The following WDPCP variants were observed in gnomAD, a reference collection of about 807,000 sequenced individuals.
The protein encoded by WDPCP is WD repeat-containing and planar cell polarity effector protein fritz homolog.
In WDPCP, 71 loss-of-function variants were observed where a neutral mutation model predicts 93.1. The ratio of observed to expected loss-of-function variants is 0.76; its 90% CI spans 0.63 to 0.93. WDPCP has a LOEUF of 0.93. Among genes scored for constraint, WDPCP ranks in the 40% least tolerant of loss-of-function variants. The pLI, the probability that WDPCP is intolerant of heterozygous loss-of-function variation, is 0.00. For missense variants in WDPCP, 844 were observed against 887.4 expected (o/e 0.95, Z 0.62); for synonymous variants, 315 against 315.0 (o/e 1.00, Z 0.00).
At chr2:63,752,516 G>A (rs1458957765) in intron 2 of WDPCP, 3 of 748,972 alleles carry the variant, frequency 4.0e-6, no homozygotes, top group East Asian at 5.0e-5. Flanking sequence ...CACACAGCTT[G>A]TGAGCATTCC....
At chr2:63,601,205 G>C (rs1364945657) in intron 3 of WDPCP, among the ~76,000 whole-genome samples, 1 of 152,230 alleles carries the variant, frequency 6.6e-6, no homozygotes, top group Non-Finnish European at 1.5e-5. Flanking sequence ...GGGAGTCATT[G>C]AAGAAGCACT....
intron 13 of WDPCP, 101 bp from the exon 14 acceptor site, chr2:63,259,510 A>C: frequency 1.1e-6 from 1 of 947,974 alleles, no homozygotes; most frequent in East Asian, 2.5e-5. Context: ...TACAAAATAG[A>C]AACAGTTTGT....
chr2:63,323,153 C>T (rs966813468), intron 12 of WDPCP, among the ~76,000 whole-genome samples: 1 of 152,216 alleles, frequency 6.6e-6, no homozygotes, highest in Non-Finnish European at 1.5e-5. Context: ...CTCTCAAAGT[C>T]ATGTCGCCCA....
Position 63,218,785 on chromosome 2 carries a change from C to G in WDPCP, c.1915+40522G>C, listed in dbSNP as rs550035717. 4.7e-3 allele frequency among the ~76,000 whole-genome samples: 720 copies of G among 152,200 alleles called. 6 individuals carry two copies. Among genetic ancestry groups the G allele is most frequent in the Middle Eastern group, 0.031 (9 of 294 alleles). On this transcript the variant is annotated intron_variant, in intron 14 of 17. Transcript: ENST00000272321. ...TCTTGACCTCATGATCTGCCCACCTCGGCCTCCCAAAGTGCTGGGATTACA... is the reference window on the plus strand; with the variant it reads ...TCTTGACCTCATGATCTGCCCACCTGGGCCTCCCAAAGTGCTGGGATTACA...
In WDPCP at chr2:63,636,203, T is replaced by C. The variant is rs555062056; in HGVS notation, n.488+14456A>G. Among the ~76,000 whole-genome samples the C allele has an allele frequency of 6.6e-5, 10 of 152,260 alleles. No homozygotes were observed. The South Asian group carries it at 1.5e-3, about 22-fold the overall frequency. ...AAACTACAAAACGTTGACGATGACA[T>C]TGAAGACATAAACAAATGGAAAGAT... On this transcript the variant is annotated intron_variant and non_coding_transcript_variant, in intron 3 of 4. Coordinates refer to the WDPCP transcript ENST00000467687.
the WDPCP span, among the ~76,000 whole-genome samples, chr2:63,835,473 G>A: frequency 6.6e-6 from 1 of 151,030 alleles, no homozygotes; most frequent in Admixed American, 6.6e-5. Context: ...CCGGATAAAG[G>A]CCTGACCATT....
intron 14 of WDPCP, among the ~76,000 whole-genome samples, chr2:63,192,486 G>A (rs114140500): frequency 6.6e-6 from 1 of 152,294 alleles, no homozygotes; most frequent in Non-Finnish European, 1.5e-5. Flanking sequence ...TAGCCCATTT[G>A]CATATATTAT....
intron 1 of WDPCP, among the ~76,000 whole-genome samples, chr2:63,542,542 A>G (rs1215004044): frequency 3.3e-5 from 5 of 152,244 alleles, no homozygotes; most frequent in African/African-American, 1.2e-4. Context: ...TAACTTTATA[A>G]AGGCTCCAAC....
At chr2:63,221,282 A>C (rs1214667665) in intron 14 of WDPCP, among the ~76,000 whole-genome samples, 1 of 152,238 alleles carries the variant, frequency 6.6e-6, no homozygotes, top group Admixed American at 6.5e-5. Context: ...TGAATAGAAG[A>C]ATATGAATTC....
intron 2 of WDPCP, among the ~76,000 whole-genome samples, chr2:63,780,698 A>T (rs553490311): frequency 1.1e-4 from 17 of 152,306 alleles, no homozygotes; most frequent in African/African-American, 3.8e-4. Flanking sequence ...GCTTTGTTTA[A>T]CAACAGCAGT....
intron 6 of WDPCP, among the ~76,000 whole-genome samples, chr2:63,459,585 T>C (rs1315118898): frequency 6.6e-6 from 1 of 152,288 alleles, no homozygotes; most frequent in Middle Eastern, 3.4e-3. Flanking sequence ...TGTAAATTAG[T>C]ACAACCACTA....
chr2:63,229,145 T>G (rs1442294417), intron 14 of WDPCP: 2 of 152,222 alleles, frequency 1.3e-5, no homozygotes, highest in Non-Finnish European at 2.9e-5. Flanking sequence ...TGAGACGGTA[T>G]CTCATTGTGG....
chr2:63,515,074 A>T (rs1575561594), intron 1 of WDPCP, among the ~76,000 whole-genome samples: 1 of 152,298 alleles, frequency 6.6e-6, no homozygotes, highest in East Asian at 1.9e-4. Flanking sequence ...CATTTTTTCA[A>T]TAGGTAATAA....
At chr2:63,127,685 A>ATATATATT (rs1670012834) in intron 17 of WDPCP, among the ~76,000 whole-genome samples, 1 of 147,654 alleles carries the variant, frequency 6.8e-6, no homozygotes, top group Non-Finnish European at 1.5e-5. Flanking sequence ...ATATATATAT[A>ATATATATT]TATATATATA....
chr2:63,214,088 T>C (rs1219354227), intron 14 of WDPCP, among the ~76,000 whole-genome samples: 3 of 152,050 alleles, frequency 2.0e-5, no homozygotes, highest in African/African-American at 7.2e-5. Flanking sequence ...TTCCAGTCAA[T>C]AGAAAAAGAG....
At chr2:63,464,546 A>G (rs2105776383) in intron 6 of WDPCP, among the ~76,000 whole-genome samples, 2 of 152,310 alleles carry the variant, frequency 1.3e-5, no homozygotes, top group African/African-American at 4.8e-5. Flanking sequence ...TACATCCAAA[A>G]GAATTGAAAG....
chr2:63,311,637 G>A (rs546344275), intron 13 of WDPCP, among the ~76,000 whole-genome samples: 5 of 152,216 alleles, frequency 3.3e-5, no homozygotes, highest in Non-Finnish European at 7.4e-5. Flanking sequence ...AATCATCATG[G>A]TTTAGGATTA....
intron 2 of WDPCP, among the ~76,000 whole-genome samples, chr2:63,778,464 C>T (rs188008882): frequency 7.2e-5 from 11 of 152,046 alleles, no homozygotes; most frequent in Non-Finnish European, 1.5e-4. Flanking sequence ...ACCTTAGTCT[C>T]CCAAAGTGCT....
At chr2:63,746,683 G>A (rs544055537) in intron 2 of WDPCP, among the ~76,000 whole-genome samples, 4 of 152,208 alleles carry the variant, frequency 2.6e-5, no homozygotes, top group South Asian at 4.1e-4. Context: ...CTCCTGCAGC[G>A]CCCCAAGGTT....
Sources: allele counts gnomAD v4.1 joint callset (sites outside exome capture counted in the v4.1 genomes callset), GRCh38; gene constraint gnomAD v4.1.1; transcripts MANE v1.5; gene names NCBI Gene and HGNC (gene_info 2026-07-23, HGNC 2026-07-21).